PSMD3: variants seen among roughly 807,000 people sequenced by gnomAD.
The protein encoded by PSMD3 is proteasome 26S subunit, non-ATPase 3.
A neutral mutation model predicts 62.8 loss-of-function variants in PSMD3; 5 were observed. The ratio of observed to expected loss-of-function variants is 0.08; its 90% CI spans 0.04 to 0.17. PSMD3 has a LOEUF of 0.17. Among genes scored for constraint, PSMD3 ranks in the 10% least tolerant of loss-of-function variants. The pLI is 1.00. For missense variants in PSMD3, 524 were observed against 713.6 expected (o/e 0.73, Z 3.03); for synonymous variants, 265 against 283.9 (o/e 0.93, Z 0.67).
chr17:39,995,105 C>G lies in PSMD3; in HGVS notation c.1096+37C>G. 1 of 1,613,694 alleles carries G rather than the reference C, an allele frequency of 6.2e-7. No individual in the cohort carries two copies. The highest frequency in any genetic ancestry group is 8.5e-7 in the Non-Finnish European group (1 of 1,179,776). On this transcript the variant is annotated intron_variant, in intron 7 of 11. Transcript: ENST00000264639. The surrounding 1 kb of genome is among the most constrained non-coding windows in gnomAD (Gnocchi z 4.1). ...TTCCCCACCCCAGAGCCCACTAGGC[C>G]CCCTTCAGTGGGGCCTCTTACATGC...
chr17:39,989,623 TA>T, intron 4 of PSMD3, 115 bp from the exon 5 acceptor site: 2 of 1,042,306 alleles, frequency 1.9e-6, no homozygotes, highest in Non-Finnish European at 2.8e-6. Flanking sequence ...ATTCAGCAAA[TA>T]ACCAGAAAAG....
intron 11 of PSMD3, 23 bp downstream of exon 11, chr17:39,997,403 G>A (rs757090253): frequency 8.1e-6 from 13 of 1,613,858 alleles, no homozygotes; most frequent in Non-Finnish European, 3.4e-6. Flanking sequence ...CTTTCTGGGT[G>A]AGACCGAAAG....
Position 39,989,891 on chromosome 17 carries a change from C to A in PSMD3, c.839C>A (p.Ala280Asp). 1 of 1,614,098 alleles carries A rather than the reference C, an allele frequency of 6.2e-7. No individual in the cohort carries two copies. Among genetic ancestry groups the A allele is most frequent in the Non-Finnish European group, 8.5e-7 (1 of 1,179,988 alleles). Residue 280 changes from alanine to aspartate, a missense_variant, in exon 5 of 12, where the codon GCC becomes GAC. Coordinates refer to ENST00000264639, the MANE Select transcript of PSMD3 (RefSeq NM_002809.4). ...LVSKSVFPEQ[A>D]NNNEWARYLY... is the part of the protein sequence containing the mutation. ...TCCAAGTCTGTGTTCCCAGAGCAGG[C>A]CAACAACAATGAGTGGGCCAGGTAC... is the stretch of plus-strand genomic sequence containing the variant.
intron 1 of PSMD3, among the ~76,000 whole-genome samples, chr17:39,983,133 A>G (rs1249519787): frequency 6.6e-6 from 1 of 151,982 alleles, no homozygotes. Flanking sequence ...CCCAAGTTCA[A>G]GCGATTCTCC....
Position 39,981,201 on chromosome 17 carries a change from C to G in PSMD3, c.220+11C>G. 6.5e-7 allele frequency: 1 copy of G among 1,549,772 alleles called. No individual in the cohort carries two copies. Among genetic ancestry groups the G allele is most frequent in the Non-Finnish European group, 8.7e-7 (1 of 1,146,626 alleles). ...CAGTCACCTTGGAGGGTACGGCAGC[C>G]CAGGCCGGGAACGTGCCGCGATCGC... On this transcript the variant is annotated intron_variant, in intron 1 of 11. Coordinates refer to ENST00000264639, the MANE Select transcript of PSMD3 (RefSeq NM_002809.4).
intron 6 of PSMD3, chr17:39,994,452 C>T (rs1178932008): frequency 5.9e-6 from 1 of 168,726 alleles, no homozygotes; most frequent in Non-Finnish European, 1.3e-5. Context: ...TGTCTGGATA[C>T]TCTGCTCATT....
In PSMD3 at chr17:39,994,876, G is replaced by A. The variant is rs919436792; in HGVS notation, c.982-78G>A. The A allele has an allele frequency of 3.1e-6, 4 of 1,287,384 alleles. No homozygotes were observed. In the African/African-American group the frequency reaches 5.9e-5, roughly 19 times the overall value. The allele number at this position is 1,287,384 out of a possible 1,614,324, so 79.7% of individuals were successfully genotyped here. On this transcript the variant is annotated intron_variant, in intron 6 of 11. Transcript: ENST00000264639. ...TCCCTGTTTCCCACTACATCTGGCA[G>A]AATTTAGGCCACATTTCATTTTCTT...
chr17:39,989,832 C>T lies in PSMD3; in HGVS notation c.780C>T (p.His260=), dbSNP rs777525514. The part of the protein sequence containing the change: ...LLNLLLRNYL[H]YSLYDQAEKL... Reference sequence around the variant, plus strand: ...ACCTCCTGCTGCGGAATTACCTACACTACAGCTTGTACGACCAGGCTGAGA... The same window carrying T: ...ACCTCCTGCTGCGGAATTACCTACATTACAGCTTGTACGACCAGGCTGAGA... The change falls in exon 5 of 12, where the codon CAC becomes CAT. Residue 260 remains histidine (H), a synonymous_variant. Transcript: ENST00000264639. 2 of 1,614,116 alleles carry T rather than the reference C, an allele frequency of 1.2e-6. No individual in the cohort carries two copies. The highest frequency in any genetic ancestry group is 1.7e-6 in the Non-Finnish European group (2 of 1,180,052).
In PSMD3 at chr17:39,997,701, G is replaced by C; in HGVS notation, c.*120G>C. 4 of 1,205,378 alleles carry C rather than the reference G, an allele frequency of 3.3e-6. No individual in the cohort carries two copies. Among genetic ancestry groups the C allele is most frequent in the South Asian group, 1.4e-5 (1 of 73,268 alleles). The allele number at this position is 1,205,378 out of a possible 1,614,324, so 74.7% of individuals were successfully genotyped here. A position where few individuals can be genotyped will look rare whatever the true frequency, so the allele number is the denominator to read the frequency against. ...CAGCTCATATGCTGCATTCGTGCAG[G>C]GGGTGGGGGTGCTGGGAGCCAGCCA... is the stretch of plus-strand genomic sequence containing the variant. On this transcript the variant is annotated 3_prime_UTR_variant, in exon 12 of 12. Transcript: ENST00000264639.
chr17:39,991,886 G>A (rs1019690576), intron 6 of PSMD3, among the ~76,000 whole-genome samples: 5 of 152,018 alleles, frequency 3.3e-5, no homozygotes. Context: ...CTAGCTGGGC[G>A]TGATGGCATG....
chr17:39,992,445 G>A (rs1980680525), intron 6 of PSMD3, among the ~76,000 whole-genome samples: 2 of 152,166 alleles, frequency 1.3e-5, no homozygotes, highest in Admixed American at 6.5e-5. Flanking sequence ...TGATGAAGCT[G>A]TAGATTCCGA....
At chr17:39,988,850 C>T in intron 4 of PSMD3, 31 bp downstream of exon 4, 1 of 1,609,438 alleles carries the variant, frequency 6.2e-7, no homozygotes, top group Non-Finnish European at 8.5e-7. Context: ...CACTTGGGGT[C>T]CGTGGGGTCA....
chr17:39,997,283 C>T (rs1041928899), intron 10 of PSMD3, 47 bp from the exon 11 acceptor site: 4 of 1,594,440 alleles, frequency 2.5e-6, no homozygotes, highest in Admixed American at 3.3e-5. Flanking sequence ...GTGAGTGCCT[C>T]ACCTGCTTCC....
At chr17:39,986,751 G>C (rs1980536069) in intron 3 of PSMD3, 39 bp downstream of exon 3, 1 of 1,608,862 alleles carries the variant, frequency 6.2e-7, no homozygotes, top group African/African-American at 1.3e-5. Flanking sequence ...TAAGCCCCAA[G>C]TGATGCAAGG....
chr17:39,984,000 C>G (rs557018541), intron 1 of PSMD3, among the ~76,000 whole-genome samples: 1 of 152,034 alleles, frequency 6.6e-6, no homozygotes, highest in African/African-American at 2.4e-5. Flanking sequence ...GAGATCGAGA[C>G]CATCCTGGCT....
chr17:39,993,029 T>C (rs767489143), intron 6 of PSMD3: 3 of 152,214 alleles, frequency 2.0e-5, no homozygotes, highest in Non-Finnish European at 4.4e-5. Context: ...CACCGCAAGG[T>C]CCCACAGACT....
chr17:39,986,756 G>T (rs1396241510), intron 3 of PSMD3, 44 bp downstream of exon 3: 1 of 1,606,122 alleles, frequency 6.2e-7, no homozygotes, highest in East Asian at 2.2e-5. Flanking sequence ...CCCAAGTGAT[G>T]CAAGGGGTTT....
intron 6 of PSMD3, chr17:39,994,642 C>T (rs923270016): frequency 2.7e-5 from 10 of 364,718 alleles, no homozygotes; most frequent in African/African-American, 1.9e-4. Context: ...CCACAGCACC[C>T]GCCCTTCTGG....
Position 39,996,806 on chromosome 17 carries a change from C to T in PSMD3, c.1476+468C>T, listed in dbSNP as rs976518149. 2.2e-6 allele frequency: 1 copy of T among 463,752 alleles called. No homozygotes were observed. 28.7% of individuals were successfully genotyped at this position (463,752 alleles called of 1,614,324 possible). A position where few individuals can be genotyped will look rare whatever the true frequency, so the allele number is the denominator to read the frequency against. Reference sequence around the variant, plus strand: ...GCTCCACAAAAGGGTGAGCCCTTATCCTCAGTTAAGCACTGAGTTTGGCGC... The same window carrying T: ...GCTCCACAAAAGGGTGAGCCCTTATTCTCAGTTAAGCACTGAGTTTGGCGC... On this transcript the variant is annotated intron_variant, in intron 10 of 11. Transcript: ENST00000264639. This position sits in a 1 kb window ranked among gnomAD's most constrained non-coding sequence, Gnocchi z 5.1.
Sources: gnomAD v4.1 joint callset for allele counts (sites outside exome capture counted in the v4.1 genomes callset) on GRCh38, gnomAD v4.1.1 for gene constraint, Gnocchi (gnomAD v3.1) non-coding constraint, MANE v1.5 for transcripts, NCBI Gene and HGNC (gene_info 2026-07-23, HGNC 2026-07-21) for gene names.